PRMT9: variants seen among roughly 807,000 people sequenced by gnomAD.
The protein encoded by PRMT9 is protein arginine N-methyltransferase 9.
A neutral mutation model predicts 83.2 loss-of-function variants in PRMT9; 59 were observed. The ratio of observed to expected loss-of-function variants is 0.71; its 90% confidence interval spans 0.57 to 0.88. PRMT9 has a LOEUF of 0.88. Among genes scored for constraint, PRMT9 ranks in the 40% least tolerant of loss-of-function variants. PRMT9 has a pLI of 0.00. For missense variants in PRMT9, 947 were observed against 1,021.9 expected, an observed-to-expected ratio of 0.93 and a Z score of 1.00; for synonymous variants, 333 against 353.2, an observed-to-expected ratio of 0.94 and a Z score of 0.64.
intron 9 of PRMT9, among the ~76,000 whole-genome samples, chr4:147,649,606 G>A (rs191807586): frequency 4.6e-5 from 7 of 152,090 alleles, no homozygotes; most frequent in Non-Finnish European, 8.8e-5. Flanking sequence ...GGGTTCAAGC[G>A]ATTCTCCTGC....
Position 147,653,852 on chromosome 4 carries a change from C to A in PRMT9, c.2045G>T (p.Arg682Met). ...CAAAAGTTATTATTTTGTGTTTTAC[C>A]TGGATATTGCAGCTTTTTCCATTAT... The part of the protein sequence containing the change: ...QEIMEKAAIS[R>M]CLLQSGGKIF... Residue 682 changes from arginine (R) to methionine (M), a missense_variant and splice_region_variant, in exon 9 of 12, where the codon AGG becomes ATG. By Grantham distance (91) the Arg-to-Met change is moderately conservative. Coordinates refer to ENST00000322396, the MANE Select transcript of PRMT9 (RefSeq NM_138364.4). The A allele has an allele frequency of 6.2e-7, 1 of 1,608,408 alleles. No homozygotes were observed. Among genetic ancestry groups the A allele is most frequent in the South Asian group, 1.1e-5 (1 of 90,676 alleles).
intron 2 of PRMT9, among the ~76,000 whole-genome samples, chr4:147,675,973 A>C (rs1736041416): frequency 1.3e-5 from 2 of 152,174 alleles, no homozygotes; most frequent in African/African-American, 4.8e-5. Flanking sequence ...GTGGGGAGTA[A>C]ATGATACGCT....
rs1235540046 is a variant in PRMT9, at chr4:147,681,615, C to T, written c.190-1144G>A. Among the ~76,000 whole-genome samples the T allele has an allele frequency of 2.6e-5, 4 of 151,914 alleles. No homozygotes were observed. In the East Asian group the frequency reaches 5.8e-4, roughly 22 times the overall value. On this transcript the variant is annotated intron_variant, in intron 1 of 11. Coordinates refer to ENST00000322396, the MANE Select transcript of PRMT9 (RefSeq NM_138364.4). The stretch of plus-strand genomic sequence containing the variant: ...CAGCATGGCCAACACGGTGAAACCC[C>T]ATCTCTACTAAAAATATAAAAATTA...
intron 5 of PRMT9, 148 bp downstream of exon 5, chr4:147,670,493 G>A (rs1735656133): frequency 1.5e-6 from 1 of 662,980 alleles, no homozygotes; most frequent in Admixed American, 2.4e-5. Flanking sequence ...AAAGTTTTTT[G>A]CATAGATTTC....
At chr4:147,658,875 G>T (rs1734721140) in intron 7 of PRMT9, among the ~76,000 whole-genome samples, 1 of 152,084 alleles carries the variant, frequency 6.6e-6, no homozygotes, top group African/African-American at 2.4e-5. Flanking sequence ...AAGGTGGGTG[G>T]ATCATTGAGG....
At chr4:147,639,111 A>G in intron 10 of PRMT9, 29 bp from the exon 11 acceptor site, 2 of 1,611,804 alleles carry the variant, frequency 1.2e-6, no homozygotes, top group Non-Finnish European at 8.5e-7. Flanking sequence ...TTTCACTTTC[A>G]CTTTTTCTTT....
chr4:147,648,579 C>G (rs893820101), intron 9 of PRMT9, among the ~76,000 whole-genome samples: 8 of 152,174 alleles, frequency 5.3e-5, no homozygotes, highest in Non-Finnish European at 8.8e-5. Flanking sequence ...GTGAACCACT[C>G]TAGCAAAGTA....
chr4:147,638,703 C>T lies in PRMT9; in HGVS notation c.2367G>A (p.Trp789Ter), dbSNP rs1456100407. The change falls in exon 12 of 12, where the codon TGG becomes TGA. Residue 789 changes from tryptophan to a stop codon, truncating the protein, a stop_gained. Transcript: ENST00000322396. LOFTEE classifies it high-confidence loss of function. ...TCTCTTCATCAAGGTACATATGATA[C>T]CAAAATGGAATAGCAGTCAGTCTTC... ...KSGRLTAIPFWYHMYLDEEIR... is the reference protein window; with the variant it reads ...KSGRLTAIPF 1 of 1,613,484 alleles carries T rather than the reference C, an allele frequency of 6.2e-7. No homozygotes were observed. Among genetic ancestry groups the T allele is most frequent in the South Asian group, 1.1e-5 (1 of 91,068 alleles).
intron 5 of PRMT9, 115 bp from the exon 6 acceptor site, chr4:147,668,760 A>G (rs1420671217): frequency 1.4e-6 from 1 of 708,652 alleles, no homozygotes; most frequent in African/African-American, 1.8e-5. Context: ...AAGTAAGGAT[A>G]AAGTAAGTTA....
At chr4:147,674,878 C>T (rs1321317754) in intron 2 of PRMT9, among the ~76,000 whole-genome samples, 2 of 152,238 alleles carry the variant, frequency 1.3e-5, no homozygotes, top group Non-Finnish European at 2.9e-5. Context: ...GGGTGAGCAG[C>T]AATGTGTGGA....
intron 1 of PRMT9, among the ~76,000 whole-genome samples, chr4:147,681,887 G>A (rs918626668): frequency 2.6e-5 from 4 of 152,178 alleles, no homozygotes; most frequent in Admixed American, 6.5e-5. Context: ...TAGAGTAGCA[G>A]GCAATGAGCA....
At chr4:147,664,574 C>T (rs1305039673) in intron 6 of PRMT9, among the ~76,000 whole-genome samples, 2 of 152,240 alleles carry the variant, frequency 1.3e-5, no homozygotes, top group African/African-American at 4.8e-5. Context: ...CTGGAGCAAT[C>T]TTACTGTTGA....
chr4:147,661,490 G>T (rs1734944163), intron 6 of PRMT9, among the ~76,000 whole-genome samples: 1 of 151,956 alleles, frequency 6.6e-6, no homozygotes, highest in African/African-American at 2.4e-5. Flanking sequence ...CCAGGAAATG[G>T]AGTTAAAATC....
At chr4:147,647,849 T>C (rs1733829061) in intron 9 of PRMT9, among the ~76,000 whole-genome samples, 2 of 152,170 alleles carry the variant, frequency 1.3e-5, no homozygotes, top group Admixed American at 1.3e-4. Context: ...CTGTTCTCAC[T>C]GTATTGGCTT....
intron 2 of PRMT9, among the ~76,000 whole-genome samples, chr4:147,675,575 C>T (rs943913139): frequency 1.3e-5 from 2 of 152,118 alleles, no homozygotes; most frequent in Non-Finnish European, 2.9e-5. Context: ...GTATTAAACA[C>T]ACCCCTAATA....
chr4:147,673,922 C>T (rs1275683530), intron 2 of PRMT9, 48 bp from the exon 3 acceptor site: 10 of 1,437,944 alleles, frequency 7.0e-6, no homozygotes, highest in Non-Finnish European at 9.8e-6. Context: ...CTATATGCTA[C>T]CAACTGCAGT....
intron 9 of PRMT9, among the ~76,000 whole-genome samples, chr4:147,644,357 C>T (rs1363504132): frequency 8.8e-6 from 1 of 113,972 alleles, no homozygotes; most frequent in Non-Finnish European, 1.8e-5. Context: ...AGGTTACACA[C>T]TCCAAATGCA....
chr4:147,672,263 G>C (rs775908745), intron 4 of PRMT9, among the ~76,000 whole-genome samples: 1 of 152,204 alleles, frequency 6.6e-6, no homozygotes, highest in Non-Finnish European at 1.5e-5. Context: ...AGTCATAGTT[G>C]ATATAAGGCA....
At chr4:147,658,907 C>T (rs1319359568) in intron 7 of PRMT9, among the ~76,000 whole-genome samples, 10 of 151,992 alleles carry the variant, frequency 6.6e-5, no homozygotes, top group African/African-American at 2.2e-4. Flanking sequence ...GGGCCGGGCA[C>T]GGTTGCTCAC....
Sources: gnomAD v4.1 joint callset for allele counts (sites outside exome capture counted in the v4.1 genomes callset) on GRCh38, gnomAD v4.1.1 for gene constraint, MANE v1.5 for transcripts, NCBI Gene and HGNC (gene_info 2026-07-23, HGNC 2026-07-21) for gene names.